The following CTNNA1 variants were observed in gnomAD, a reference collection of about 807,000 sequenced individuals.
CTNNA1 encodes catenin alpha-1.
A neutral mutation model predicts 98.4 loss-of-function variants in CTNNA1; 37 were observed. That is an observed-to-expected ratio of 0.38 (90% CI 0.29 to 0.49). The LOEUF is 0.49. Among genes scored for constraint, CTNNA1 ranks in the 20% least tolerant of loss-of-function variants. The pLI is 0.95. For missense variants in CTNNA1, 761 were observed against 1,147.2 expected (o/e 0.66, Z 4.86); for synonymous variants, 404 against 413.2 (o/e 0.98, Z 0.27).
At chr5:138,783,136 TTTAA>T (rs775235347) in intron 2 of CTNNA1, 37 bp from the exon 3 acceptor site, 17 of 1,479,588 alleles carry the variant, frequency 1.1e-5, no homozygotes, top group Non-Finnish European at 1.6e-5. Context: ...AGTTTGTCAT[TTTAA>T]TTGACTCCAG....
At chr5:138,799,303 G>A (rs1405084465) in intron 3 of CTNNA1, among the ~76,000 whole-genome samples, 1 of 152,160 alleles carries the variant, frequency 6.6e-6, no homozygotes, top group East Asian at 1.9e-4. Context: ...TGGGATTACA[G>A]GCATGTGCCA....
chr5:138,892,483 T>C (rs1755668977), intron 9 of CTNNA1, among the ~76,000 whole-genome samples: 1 of 151,334 alleles, frequency 6.6e-6, no homozygotes, highest in Non-Finnish European at 1.5e-5. Context: ...GGATTACAGG[T>C]GCCTGCTGTC....
intron 1 of CTNNA1, among the ~76,000 whole-genome samples, chr5:138,771,615 G>A (rs1488101262): frequency 6.6e-6 from 1 of 152,016 alleles, no homozygotes; most frequent in Admixed American, 6.6e-5. Flanking sequence ...TTGAACTCCT[G>A]AGCTCAAGTG....
intron 7 of CTNNA1, among the ~76,000 whole-genome samples, chr5:138,829,846 T>C (rs1319182476): frequency 6.6e-6 from 1 of 152,184 alleles, no homozygotes; most frequent in Non-Finnish European, 1.5e-5. Flanking sequence ...GGTCAGGAGA[T>C]TGAGACCATC....
chr5:138,800,000 G>A lies in CTNNA1; in HGVS notation c.302-10038G>A, dbSNP rs142635223. On this transcript the variant is annotated intron_variant, in intron 3 of 17. Transcript: ENST00000302763. Reference sequence around the variant, plus strand: ...CAACCTCTGCCTCCTGGGTTCAATCGATTCTCGTGTCTCAGCCTCTCCAGT... The same window carrying A: ...CAACCTCTGCCTCCTGGGTTCAATCAATTCTCGTGTCTCAGCCTCTCCAGT... Among the ~76,000 whole-genome samples, 347 of 152,106 alleles carry A rather than the reference G, an allele frequency of 2.3e-3. 2 individuals are homozygous for A. The highest frequency in any genetic ancestry group is 7.8e-3 in the African/African-American group (322 of 41,500).
In CTNNA1 at chr5:138,934,248, T is replaced by TTAAG. The variant is rs748088769; in HGVS notation, c.*161_*164dup. The TTAAG allele has an allele frequency of 6.3e-5, 37 of 588,662 alleles. No homozygotes were observed. The highest frequency in any genetic ancestry group is 2.6e-4 in the South Asian group (11 of 43,044). 36.5% of individuals were successfully genotyped at this position (588,662 alleles called of 1,614,324 possible). A position where few individuals can be genotyped will look rare whatever the true frequency, so the allele number is the denominator to read the frequency against. ...GTGGTGAATTTTCCAAGAACATAGT[T>TTAAG]TAAGTTGATTAAAAATGCTTTTAGA... On this transcript the variant is annotated 3_prime_UTR_variant, in exon 18 of 18. Coordinates refer to ENST00000302763, the MANE Select transcript of CTNNA1 (RefSeq NM_001903.5).
chr5:138,788,306 A>G (rs937926513), intron 3 of CTNNA1, among the ~76,000 whole-genome samples: 3 of 152,172 alleles, frequency 2.0e-5, no homozygotes, highest in Non-Finnish European at 4.4e-5. Flanking sequence ...ATAATTGATT[A>G]TTCTCCGAGA....
intron 9 of CTNNA1, among the ~76,000 whole-genome samples, chr5:138,897,892 C>G (rs116059497): frequency 0.011 from 1,697 of 152,270 alleles, 27 homozygotes; most frequent in African/African-American, 0.039. Flanking sequence ...TTCTTCTTTT[C>G]TCTTGGAGCA....
At chr5:138,754,502 A>G (rs1219247347) in intron 1 of CTNNA1, 1 of 152,176 alleles carries the variant, frequency 6.6e-6, no homozygotes, top group Non-Finnish European at 1.5e-5. Context: ...CAAGTCTACG[A>G]CTAAATTCGG....
chr5:138,877,637 C>T (rs898130180), intron 7 of CTNNA1, among the ~76,000 whole-genome samples: 1 of 151,824 alleles, frequency 6.6e-6, no homozygotes, highest in Non-Finnish European at 1.5e-5. Context: ...TTAGTAGAGA[C>T]GGGGTTTCAC....
rs1766060422 is a variant in CTNNA1 at position 138,934,236 on chromosome 5, C to T, written c.*147C>T. The T allele has an allele frequency of 8.1e-6, 5 of 616,632 alleles. No homozygotes were observed. The highest frequency in any genetic ancestry group is 1.4e-5 in the Non-Finnish European group (5 of 359,526). 38.2% of individuals were successfully genotyped at this position (616,632 alleles called of 1,614,324 possible). A position where few individuals can be genotyped will look rare whatever the true frequency, so the allele number is the denominator to read the frequency against. ...GAACCAGTCCAGGTGGTGAATTTTCCAAGAACATAGTTTAAGTTGATTAAA... is the reference window on the plus strand; with the variant it reads ...GAACCAGTCCAGGTGGTGAATTTTCTAAGAACATAGTTTAAGTTGATTAAA... On this transcript the variant is annotated 3_prime_UTR_variant, in exon 18 of 18. Transcript: ENST00000302763.
chr5:138,753,560 A>G (rs1751237217), intron 1 of CTNNA1, 50 bp downstream of exon 1: 3 of 358,758 alleles, frequency 8.4e-6, no homozygotes, highest in Non-Finnish European at 4.9e-6. Context: ...GGCCAGGCCG[A>G]GAGGGTCCTT....
chr5:138,825,482 G>GTTTTTTTTTTTTGT (rs1760589683), intron 6 of CTNNA1, among the ~76,000 whole-genome samples: 1 of 74,114 alleles, frequency 1.3e-5, no homozygotes, highest in East Asian at 5.6e-4. Context: ...AGCAGTATAA[G>GTTTTTTTTTTTTGT]TTTTTTTTTT....
chr5:138,759,698 A>G (rs1415787476), intron 1 of CTNNA1, among the ~76,000 whole-genome samples: 2 of 152,174 alleles, frequency 1.3e-5, no homozygotes, highest in Non-Finnish European at 2.9e-5. Context: ...CTGGTTCCCA[A>G]AAGCTGCTTG....
intron 7 of CTNNA1, among the ~76,000 whole-genome samples, chr5:138,861,643 T>C (rs868636448): frequency 6.6e-6 from 1 of 152,232 alleles, no homozygotes; most frequent in African/African-American, 2.4e-5. Flanking sequence ...TTGGGGACTT[T>C]ATTTGGTCAT....
At chr5:138,836,192 T>G (rs1187304266) in intron 7 of CTNNA1, among the ~76,000 whole-genome samples, 1 of 152,204 alleles carries the variant, frequency 6.6e-6, no homozygotes. Context: ...TGCAACTTTG[T>G]ATTCCTTGAC....
At chr5:138,820,890 A>G (rs1017919947) in intron 5 of CTNNA1, among the ~76,000 whole-genome samples, 1 of 152,206 alleles carries the variant, frequency 6.6e-6, no homozygotes, top group Non-Finnish European at 1.5e-5. Flanking sequence ...AATAGAGGTT[A>G]CGTAATCTTG....
intron 10 of CTNNA1, among the ~76,000 whole-genome samples, chr5:138,914,766 C>T (rs1050650249): frequency 3.9e-5 from 6 of 152,090 alleles, no homozygotes; most frequent in Admixed American, 3.9e-4. Context: ...CAGACTCCTC[C>T]ACTCAGGGCT....
intron 1 of CTNNA1, among the ~76,000 whole-genome samples, chr5:138,769,786 G>C (rs573982042): frequency 5.9e-5 from 9 of 152,106 alleles, no homozygotes; most frequent in Non-Finnish European, 1.2e-4. Flanking sequence ...GCCCGCCTCG[G>C]CCTCCCAAAG....
Sources: gnomAD v4.1 joint callset for allele counts (sites outside exome capture counted in the v4.1 genomes callset) on GRCh38, gnomAD v4.1.1 for gene constraint, MANE v1.5 for transcripts, NCBI Gene and HGNC (gene_info 2026-07-23, HGNC 2026-07-21) for gene names.